PFKFB3: variants seen among roughly 807,000 people sequenced by gnomAD.
PFKFB3 encodes the protein 6-phosphofructo-2-kinase/fructose-2,6-biphosphatase 3.
Under a neutral mutation model 68.0 loss-of-function variants are expected in PFKFB3, and 33 were observed. That is an observed-to-expected ratio of 0.49 (90% CI 0.37 to 0.65). The LOEUF (loss-of-function observed/expected upper bound fraction) is 0.65. Ranked by LOEUF, PFKFB3 falls within the 30% of genes least tolerant of loss-of-function variation. The probability of loss-of-function intolerance (pLI) is 0.00; values close to 1 mark genes in which losing one functional copy is unlikely to be tolerated. For missense variants in PFKFB3, 586 were observed against 712.2 expected, an observed-to-expected ratio of 0.82 and a Z score of 2.02; for synonymous variants, 315 against 288.2, an observed-to-expected ratio of 1.09 and a Z score of -0.94.
intron 1 of PFKFB3, among the ~76,000 whole-genome samples, chr10:6,156,017 G>A (rs893643643): frequency 1.3e-5 from 2 of 152,006 alleles, no homozygotes; most frequent in Admixed American, 6.6e-5. Context: ...CACCCCCGCT[G>A]CCATCCTCCC....
rs1395853479 is a variant in PFKFB3 at position 6,215,846 on chromosome 10, G to C, written c.300-279G>C. ...CCCAGACCAGTTAGTGCAACTCTGTGGGTGGCTCTGGGCAGCCATTTCTTA... is the reference window on the plus strand; with the variant it reads ...CCCAGACCAGTTAGTGCAACTCTGTCGGTGGCTCTGGGCAGCCATTTCTTA... On this transcript the variant is annotated intron_variant, in intron 3 of 14. Transcript: ENST00000379775. The surrounding 1 kb of genome is among the most constrained non-coding windows in gnomAD (Gnocchi z 4.3). Among the ~76,000 whole-genome samples the C allele has an allele frequency of 6.6e-6, 1 of 152,176 alleles. No individual in the cohort carries two copies. The highest frequency in any genetic ancestry group is 1.5e-5 in the Non-Finnish European group (1 of 68,034).
chr10:6,295,440 G>C, the PFKFB3 span, among the ~76,000 whole-genome samples: 13 of 152,094 alleles, frequency 8.5e-5, 2 homozygotes, highest in East Asian at 1.9e-4. Flanking sequence ...GGCCAGGCTG[G>C]TCTTGAACTC....
chr10:6,200,659 C>CGGGGGGGGGGGGGGGGGGG (rs57019530), upstream of PFKFB3, among the ~76,000 whole-genome samples: 3 of 68,964 alleles, frequency 4.4e-5, no homozygotes, highest in Admixed American at 1.3e-4. Context: ...ATGTAAGGAG[C>CGGGGGGGGGGGGGGGGGGG]GGGGGGGGGG....
At chr10:6,236,903 C>T (rs560175368), downstream of PFKFB3, among the ~76,000 whole-genome samples, 7 of 152,270 alleles carry the variant, frequency 4.6e-5, no homozygotes, top group South Asian at 4.1e-4. Context: ...ATTCAGTAAC[C>T]GGGTGGATGC....
intron 14 of PFKFB3, among the ~76,000 whole-genome samples, chr10:6,243,211 A>G (rs1330540174): frequency 1.3e-5 from 2 of 152,232 alleles, no homozygotes; most frequent in Non-Finnish European, 2.9e-5. Flanking sequence ...CATTAGAGAA[A>G]AAAAGAGAGA....
At chr10:6,201,692 A>G (rs532361734), upstream of PFKFB3, among the ~76,000 whole-genome samples, 7 of 152,058 alleles carry the variant, frequency 4.6e-5, no homozygotes. This position sits in a 1 kb window ranked among gnomAD's most constrained non-coding sequence, Gnocchi z 4.1. Flanking sequence ...GCCGCGGTGT[A>G]GGTTTCAGCG....
At chr10:6,272,119 A>T in the PFKFB3 span, among the ~76,000 whole-genome samples, 1 of 152,232 alleles carries the variant, frequency 6.6e-6, no homozygotes, top group African/African-American at 2.4e-5. Context: ...GCCATTGTGC[A>T]TGTATGTTGT....
At chr10:6,153,666 C>T (rs1162337387) in intron 1 of PFKFB3, among the ~76,000 whole-genome samples, 1 of 152,122 alleles carries the variant, frequency 6.6e-6, no homozygotes, top group Non-Finnish European at 1.5e-5. Context: ...CCAGCCTGTA[C>T]AACATGGTGA....
chr10:6,180,001 C>T lies in PFKFB3; in HGVS notation c.17-33622C>T, dbSNP rs144048309. Among the ~76,000 whole-genome samples the T allele has an allele frequency of 5.3e-5, 8 of 152,132 alleles. No individual in the cohort carries two copies. In the East Asian group the frequency reaches 9.7e-4, roughly 18 times the overall value. ...TCCAGGTGCTAGTCGGGTCCTGAGT[C>T]GAGTTGCTGGACTCGCAGCATTTAA... On this transcript the variant is annotated intron_variant, in intron 1 of 14. Transcript: ENST00000379789.
Position 6,220,336 on chromosome 10 carries a change from C to G in PFKFB3, c.624-322C>G, listed in dbSNP as rs993801007. Among the ~76,000 whole-genome samples, 1 of 152,088 alleles carries G rather than the reference C, an allele frequency of 6.6e-6. No individual in the cohort carries two copies. Among genetic ancestry groups the G allele is most frequent in the Non-Finnish European group, 1.5e-5 (1 of 68,004 alleles). On this transcript the variant is annotated intron_variant, in intron 7 of 14. Transcript: ENST00000379775. The surrounding 1 kb of genome is among the most constrained non-coding windows in gnomAD (Gnocchi z 4.1). ...CAGGCTGGTCTTGAACTTCTAGACT[C>G]AAGCAATCCTCTTGCCTCGGCCTCC...
At chr10:6,231,156 C>A in intron 14 of PFKFB3, 1 of 861,740 alleles carries the variant, frequency 1.2e-6, no homozygotes. Context: ...GTGATGCAAC[C>A]TTCATTTTTA....
At chr10:6,167,572 T>C (rs1428834726) in intron 1 of PFKFB3, among the ~76,000 whole-genome samples, 1 of 152,198 alleles carries the variant, frequency 6.6e-6, no homozygotes, top group African/African-American at 2.4e-5. Flanking sequence ...AAAGAGACAA[T>C]ATCTTGTTTT....
chr10:6,231,519 C>A (rs1845741566), intron 14 of PFKFB3: 1 of 985,290 alleles, frequency 1.0e-6, no homozygotes, highest in Non-Finnish European at 1.2e-6. Context: ...AGGACGTGGA[C>A]ATCACCCGGT....
chr10:6,277,763 A>G, the PFKFB3 span: 3 of 429,348 alleles, frequency 7.0e-6, no homozygotes, highest in South Asian at 1.6e-5. Context: ...CTAAGGAACT[A>G]TGAGCCAATG....
At chr10:6,310,963 A>G in the PFKFB3 span, among the ~76,000 whole-genome samples, 1 of 152,230 alleles carries the variant, frequency 6.6e-6, no homozygotes, top group African/African-American at 2.4e-5. Context: ...GTGAGGTAGC[A>G]GGTCAATGTT....
chr10:6,282,265 A>G, the PFKFB3 span, among the ~76,000 whole-genome samples: 2 of 152,182 alleles, frequency 1.3e-5, no homozygotes, highest in African/African-American at 4.8e-5. Flanking sequence ...ATTCAGGCTC[A>G]GATCCCTGGC....
chr10:6,202,394 T>G (rs963058618), upstream of PFKFB3: 2 of 152,196 alleles, frequency 1.3e-5, no homozygotes, highest in African/African-American at 2.4e-5. Flanking sequence ...TGGCGGGGGA[T>G]GGGCTCACGG....
chr10:6,309,897 G>A, the PFKFB3 span, among the ~76,000 whole-genome samples: 1 of 152,112 alleles, frequency 6.6e-6, no homozygotes, highest in African/African-American at 2.4e-5. Context: ...TTTTAAAAAT[G>A]TGTCAATTCT....
the PFKFB3 span, among the ~76,000 whole-genome samples, chr10:6,274,137 C>A: frequency 0.44 from 66,300 of 151,562 alleles, 15,531 homozygotes; most frequent in African/African-American, 0.61. Context: ...GAGGTCAAGG[C>A]TGCAGTGGGC....
Sources: gnomAD v4.1 joint callset for allele counts (sites outside exome capture counted in the v4.1 genomes callset) on GRCh38, gnomAD v4.1.1 for gene constraint, Gnocchi (gnomAD v3.1) non-coding constraint, MANE v1.5 for transcripts, NCBI Gene and HGNC (gene_info 2026-07-23, HGNC 2026-07-21) for gene names.